The following HIBCH variants were observed in gnomAD, a reference collection of about 807,000 sequenced individuals.
HIBCH encodes the protein 3-hydroxyisobutyryl-CoA hydrolase.
Under a neutral mutation model 58.2 loss-of-function variants are expected in HIBCH, and 50 were observed. The observed-to-expected ratio is 0.86, with a 90% CI of 0.68 to 1.09. The LOEUF is 1.09. Among genes scored for constraint, HIBCH ranks in the 50% least tolerant of loss-of-function variants. The pLI, the probability that HIBCH is intolerant of heterozygous loss-of-function variation, is 0.00. For synonymous variants in HIBCH, 151 were observed against 146.9 expected, an observed-to-expected ratio of 1.03 and a Z score of -0.20; for missense variants, 450 against 449.7, an observed-to-expected ratio of 1.00 and a Z score of -0.01.
At chr2:190,285,624 G>C (rs1429330697) in intron 6 of HIBCH, among the ~76,000 whole-genome samples, 1 of 152,022 alleles carries the variant, frequency 6.6e-6, no homozygotes, top group Non-Finnish European at 1.5e-5. Flanking sequence ...ACATTGAACA[G>C]GTGGAATTTC....
chr2:190,258,329 A>G (rs1207173911), intron 7 of HIBCH, among the ~76,000 whole-genome samples: 3 of 152,154 alleles, frequency 2.0e-5, no homozygotes, highest in African/African-American at 7.2e-5. Context: ...TTCATAAATT[A>G]CCCAGTCTCA....
At chr2:190,193,268 A>G (rs927828931) in intron 1 of HIBCH, among the ~76,000 whole-genome samples, 12 of 152,156 alleles carry the variant, frequency 7.9e-5, no homozygotes, top group Admixed American at 2.6e-4. Context: ...TGTCTTTGGA[A>G]TATCCTTGAA....
intron 13 of HIBCH, 33 bp downstream of exon 13, chr2:190,208,847 C>T: frequency 6.3e-7 from 1 of 1,595,852 alleles, no homozygotes. Flanking sequence ...AATCCCATTT[C>T]CCCAAAATGG....
At chr2:190,244,196 G>A (rs900547615) in intron 11 of HIBCH, among the ~76,000 whole-genome samples, 2 of 151,832 alleles carry the variant, frequency 1.3e-5, no homozygotes, top group African/African-American at 4.8e-5. Flanking sequence ...ATGAAGACAA[G>A]CTAAAACACC....
intron 4 of HIBCH, among the ~76,000 whole-genome samples, chr2:190,294,053 T>C (rs1290705945): frequency 6.9e-6 from 1 of 143,990 alleles, no homozygotes; most frequent in African/African-American, 2.6e-5. Flanking sequence ...TATATATATA[T>C]AGCAACAGGA....
In HIBCH at chr2:190,304,092, G is replaced by A. The variant is rs1688340846; in HGVS notation, c.78+6662C>T. On this transcript the variant is annotated intron_variant, in intron 2 of 13. Coordinates refer to ENST00000359678, the MANE Select transcript of HIBCH (RefSeq NM_014362.4). This position sits in a 1 kb window ranked among gnomAD's most constrained non-coding sequence, Gnocchi z 4.1. ...ATCACAGACTAGAGGAAACTAAAAA[G>A]CATGACAAGTGAATGCAGTGTCATT... Among the ~76,000 whole-genome samples the A allele has an allele frequency of 6.6e-6, 1 of 151,944 alleles. No homozygotes were observed. The highest frequency in any genetic ancestry group is 1.5e-5 in the Non-Finnish European group (1 of 67,984).
Position 190,217,104 on chromosome 2 carries a change from T to C in HIBCH, c.892-4029A>G, listed in dbSNP as rs1048987307. Among the ~76,000 whole-genome samples, 12 of 152,192 alleles carry C rather than the reference T, an allele frequency of 7.9e-5. No homozygotes were observed. The highest frequency in any genetic ancestry group is 2.9e-4 in the African/African-American group (12 of 41,444). ...TTCAAACCAGCAGCTCTTGGCCCAG[T>C]GCCAGACCCAGCAGGGCCCGACCAA... On this transcript the variant is annotated intron_variant, in intron 11 of 13. Transcript: ENST00000359678. The surrounding 1 kb of genome is among the most constrained non-coding windows in gnomAD (Gnocchi z 4.6).
At chr2:190,256,394 C>T (rs1686922409) in intron 7 of HIBCH, among the ~76,000 whole-genome samples, 1 of 147,696 alleles carries the variant, frequency 6.8e-6, no homozygotes, top group Non-Finnish European at 1.5e-5. Flanking sequence ...AGATCTTGCC[C>T]CAGTAGTGGG....
chr2:190,251,370 A>G lies in HIBCH; in HGVS notation c.663+792T>C, dbSNP rs936525367. 7 of 229,270 alleles carry G rather than the reference A, an allele frequency of 3.1e-5. 1 individual carries two copies. The Admixed American group carries it at 3.5e-4, about 11-fold the overall frequency. 14.2% of individuals were successfully genotyped at this position (229,270 alleles called of 1,614,324 possible). A position where few individuals can be genotyped will look rare whatever the true frequency, so the allele number is the denominator to read the frequency against. ...CATTACCTAGGATAGGCCAGTTGGT[A>G]TATTCTACCTACTCATACGGTTCAG... On this transcript the variant is annotated intron_variant, in intron 8 of 13. Transcript: ENST00000359678.
chr2:190,259,992 A>C (rs1027616913), intron 7 of HIBCH, among the ~76,000 whole-genome samples: 5 of 152,190 alleles, frequency 3.3e-5, no homozygotes, highest in Non-Finnish European at 7.3e-5. Context: ...CTTTCCCCTA[A>C]AATCAGGAAC....
chr2:190,232,423 C>A (rs1422264381), intron 11 of HIBCH, among the ~76,000 whole-genome samples: 1 of 152,138 alleles, frequency 6.6e-6, no homozygotes, highest in African/African-American at 2.4e-5. Flanking sequence ...CACTACCAGT[C>A]CCCAATAAAA....
chr2:190,239,932 G>C lies in HIBCH; in HGVS notation c.891+4955C>G, dbSNP rs560936688. ...CCCAAAGTGCTGGGATTACAGGCATGAGCCACCGCACCTGGCCTTGAAATA... is the reference window on the plus strand; with the variant it reads ...CCCAAAGTGCTGGGATTACAGGCATCAGCCACCGCACCTGGCCTTGAAATA... On this transcript the variant is annotated intron_variant, in intron 11 of 13. Transcript: ENST00000359678. Among the ~76,000 whole-genome samples, 3 of 152,262 alleles carry C rather than the reference G, an allele frequency of 2.0e-5. No homozygotes were observed. In the South Asian group the frequency reaches 6.2e-4, roughly 32 times the overall value.
Position 190,209,282 on chromosome 2 carries a change from T to G in HIBCH, c.1012-369A>C. Among the ~76,000 whole-genome samples the G allele has an allele frequency of 6.6e-6, 1 of 152,134 alleles. No homozygotes were observed. The highest frequency in any genetic ancestry group is 1.9e-4 in the East Asian group (1 of 5,196). The stretch of plus-strand genomic sequence containing the variant: ...AACCTTTTTTCCTTTTTTACAATCC[T>G]AGCAAAATCCTGGCACCAACTAAAC... On this transcript the variant is annotated intron_variant, in intron 12 of 13. Transcript: ENST00000359678. This position sits in a 1 kb window ranked among gnomAD's most constrained non-coding sequence, Gnocchi z 5.6.
At chr2:190,305,297 T>C (rs763265775) in intron 2 of HIBCH, among the ~76,000 whole-genome samples, 2 of 152,086 alleles carry the variant, frequency 1.3e-5, no homozygotes, top group African/African-American at 4.8e-5. Flanking sequence ...CACAAACTTA[T>C]TGTCTCACAG....
chr2:190,263,026 C>A (rs982256328), intron 6 of HIBCH, among the ~76,000 whole-genome samples: 1 of 152,116 alleles, frequency 6.6e-6, no homozygotes, highest in Non-Finnish European at 1.5e-5. Flanking sequence ...ATGGCAGATT[C>A]GTAACTAATT....
At chr2:190,276,239 A>G (rs1204678936) in intron 6 of HIBCH, among the ~76,000 whole-genome samples, 1 of 152,204 alleles carries the variant, frequency 6.6e-6, no homozygotes, top group East Asian at 1.9e-4. Context: ...TTTAGCGGAA[A>G]AAGGCCCAAA....
intron 6 of HIBCH, among the ~76,000 whole-genome samples, chr2:190,277,028 G>A (rs143883170): frequency 9.9e-5 from 15 of 151,724 alleles, no homozygotes; most frequent in South Asian, 6.3e-4. Context: ...ACTTTTTGAC[G>A]TCCCCTCATA....
chr2:190,300,047 TTTTC>T (rs1253392828), intron 2 of HIBCH, among the ~76,000 whole-genome samples: 1 of 152,164 alleles, frequency 6.6e-6, no homozygotes, highest in Non-Finnish European at 1.5e-5. Flanking sequence ...ATGTATCACG[TTTTC>T]TTTATCCAAT....
chr2:190,294,334 G>A (rs927179220), intron 4 of HIBCH, among the ~76,000 whole-genome samples: 16 of 151,786 alleles, frequency 1.1e-4, no homozygotes, highest in Admixed American at 9.2e-4. Context: ...GGGTATTTGT[G>A]TAGTGAGAAA....
Sources: allele counts gnomAD v4.1 joint callset (sites outside exome capture counted in the v4.1 genomes callset), GRCh38; gene constraint gnomAD v4.1.1; non-coding constraint Gnocchi (gnomAD v3.1); transcripts MANE v1.5; gene names NCBI Gene and HGNC (gene_info 2026-07-23, HGNC 2026-07-21).